The following EPB41L4A variants were observed in gnomAD, a reference collection of about 807,000 sequenced individuals.
EPB41L4A encodes the protein erythrocyte membrane protein band 4.1 like 4A.
Under a neutral mutation model 108.6 loss-of-function variants are expected in EPB41L4A, and 100 were observed. The ratio of observed to expected loss-of-function variants is 0.92; its 90% confidence interval spans 0.78 to 1.09. The LOEUF is 1.09. Ranked by LOEUF, EPB41L4A falls within the 50% of genes least tolerant of loss-of-function variation. The pLI is 0.00. For synonymous variants in EPB41L4A, 319 were observed against 289.0 expected (o/e 1.10, Z -1.05); for missense variants, 1,030 against 842.7 (o/e 1.22, Z -2.75).
intron 12 of EPB41L4A, among the ~76,000 whole-genome samples, chr5:112,156,954 A>G (rs1374361129): frequency 6.6e-6 from 1 of 152,172 alleles, no homozygotes; most frequent in East Asian, 1.9e-4. Flanking sequence ...AAGGGACAGT[A>G]ATAGCCAAGA....
Position 112,407,741 on chromosome 5 carries a change from T to C in EPB41L4A, c.99+11200A>G, listed in dbSNP as rs538913284. ...AACATAAATAACAACACTCAGAGCT[T>C]ATAGAGAAAAGTTTTGGAAGTCTAA... On this transcript the variant is annotated intron_variant, in intron 1 of 22. Coordinates refer to ENST00000261486, the MANE Select transcript of EPB41L4A (RefSeq NM_022140.5). Among the ~76,000 whole-genome samples, 18 of 152,268 alleles carry C rather than the reference T, an allele frequency of 1.2e-4. No individual in the cohort carries two copies. In the South Asian group the frequency reaches 3.5e-3, roughly 30 times the overall value.
In EPB41L4A at chr5:112,418,938, C is replaced by G; in HGVS notation, c.99+3G>C. ...CCCGGAACGCGCTCCGGGCCGCACC[C>G]ACCTTGATGCCCTGCTGCTGGGTGG... is the stretch of plus-strand genomic sequence containing the variant. On this transcript the variant is annotated splice_donor_region_variant and intron_variant, in intron 1 of 22. Transcript: ENST00000261486. The G allele has an allele frequency of 6.2e-7, 1 of 1,612,150 alleles. No individual in the cohort carries two copies.
At chr5:112,393,770 T>A (rs971496300) in intron 1 of EPB41L4A, among the ~76,000 whole-genome samples, 1 of 152,150 alleles carries the variant, frequency 6.6e-6, no homozygotes, top group Non-Finnish European at 1.5e-5. Flanking sequence ...TACCAAAGCC[T>A]GGCAGAGACA....
intron 18 of EPB41L4A, among the ~76,000 whole-genome samples, chr5:112,181,320 G>A (rs1002861069): frequency 6.6e-6 from 1 of 152,032 alleles, no homozygotes; most frequent in Non-Finnish European, 1.5e-5. Flanking sequence ...GCGTGGTGGC[G>A]GGCGCCTCTT....
intron 1 of EPB41L4A, among the ~76,000 whole-genome samples, chr5:112,374,789 C>T (rs1759707797): frequency 6.6e-6 from 1 of 152,150 alleles, no homozygotes; most frequent in South Asian, 2.1e-4. Flanking sequence ...TAATTTAAAA[C>T]ATTATTTTTC....
intron 18 of EPB41L4A, among the ~76,000 whole-genome samples, chr5:112,182,249 G>C (rs1352790574): frequency 6.6e-6 from 1 of 152,114 alleles, no homozygotes; most frequent in Non-Finnish European, 1.5e-5. Context: ...CTGGCTGTAT[G>C]TAAATTTCAC....
chr5:112,209,823 T>C (rs1207102494), intron 13 of EPB41L4A, 69 bp downstream of exon 13: 2 of 917,276 alleles, frequency 2.2e-6, no homozygotes, highest in African/African-American at 3.4e-5. Context: ...ATTTTTAACC[T>C]TGTCTACAGA....
At chr5:112,356,708 G>A (rs1758382113) in intron 1 of EPB41L4A, among the ~76,000 whole-genome samples, 1 of 152,118 alleles carries the variant, frequency 6.6e-6, no homozygotes, top group Non-Finnish European at 1.5e-5. Context: ...ATTGCATTGA[G>A]TACACTGTGC....
intron 2 of EPB41L4A, among the ~76,000 whole-genome samples, chr5:112,282,236 T>C (rs1248063635): frequency 6.6e-6 from 1 of 152,210 alleles, no homozygotes; most frequent in Non-Finnish European, 1.5e-5. Flanking sequence ...TTAAGCTGTG[T>C]GTTGGACACA....
intron 12 of EPB41L4A, among the ~76,000 whole-genome samples, chr5:112,214,944 A>C (rs1016265392): frequency 5.4e-4 from 82 of 152,312 alleles, no homozygotes; most frequent in African/African-American, 1.9e-3. Flanking sequence ...CATATAAAAC[A>C]AAATTATTTT....
chr5:112,222,528 T>G (rs962373382), intron 12 of EPB41L4A, among the ~76,000 whole-genome samples: 1 of 152,232 alleles, frequency 6.6e-6, no homozygotes, highest in African/African-American at 2.4e-5. Context: ...AAGGAATTCA[T>G]GGTGAATGCA....
intron 1 of EPB41L4A, among the ~76,000 whole-genome samples, chr5:112,335,422 T>C (rs548087508): frequency 3.4e-4 from 52 of 152,292 alleles, no homozygotes; most frequent in African/African-American, 1.2e-3. Flanking sequence ...TCTTACCAGA[T>C]CTATATAGTT....
At chr5:112,410,016 T>C (rs1467797630) in intron 1 of EPB41L4A, among the ~76,000 whole-genome samples, 1 of 152,138 alleles carries the variant, frequency 6.6e-6, no homozygotes, top group Non-Finnish European at 1.5e-5. Flanking sequence ...AAATGCAGTC[T>C]GGATTAGGGT....
At position 112,229,609 on chromosome 5, in the gene EPB41L4A, C is replaced by T. The variant is rs187538664; in HGVS notation, c.1087+5025G>A. 6.8e-4 allele frequency among the ~76,000 whole-genome samples: 104 copies of T among 152,108 alleles called. 1 individual carries two copies. The highest frequency in any genetic ancestry group is 3.4e-3 in the Middle Eastern group (1 of 294). ...CAAAGTCCATTATATCATTCTTATG[C>T]CTTTGTGTCCTCATAGCTTAGCTCC... is the stretch of plus-strand genomic sequence containing the variant. On this transcript the variant is annotated intron_variant, in intron 12 of 22. Transcript: ENST00000261486.
intron 1 of EPB41L4A, among the ~76,000 whole-genome samples, chr5:112,339,433 T>C (rs13190229): frequency 0.52 from 76,318 of 146,548 alleles, 21,439 homozygotes; most frequent in Middle Eastern, 0.66. Context: ...CAAATAAATA[T>C]ATTTAAACAA....
At chr5:112,371,734 G>A (rs1051118725) in intron 1 of EPB41L4A, among the ~76,000 whole-genome samples, 50 of 152,080 alleles carry the variant, frequency 3.3e-4, no homozygotes, top group Non-Finnish European at 5.4e-4. Context: ...TTATTTACCA[G>A]CTGGGAGCAA....
At chr5:112,209,776 T>C (rs1353750823) in intron 13 of EPB41L4A, 116 bp downstream of exon 13, 5 of 574,680 alleles carry the variant, frequency 8.7e-6, no homozygotes, top group Non-Finnish European at 1.5e-5. Flanking sequence ...TTGGATCCCA[T>C]GGATCAAAAG....
downstream of EPB41L4A, chr5:112,160,469 G>A (rs1337391249): frequency 6.6e-6 from 1 of 152,272 alleles, no homozygotes; most frequent in Non-Finnish European, 1.5e-5. Context: ...AGTAAGTGCT[G>A]ACTAAATATC....
chr5:112,407,515 C>T (rs1762140534), intron 1 of EPB41L4A, among the ~76,000 whole-genome samples: 1 of 152,168 alleles, frequency 6.6e-6, no homozygotes, highest in African/African-American at 2.4e-5. Flanking sequence ...GAAAGCAGCA[C>T]ACATTGCACT....
Sources: gnomAD v4.1 joint callset for allele counts (sites outside exome capture counted in the v4.1 genomes callset) on GRCh38, gnomAD v4.1.1 for gene constraint, MANE v1.5 for transcripts, NCBI Gene and HGNC (gene_info 2026-07-23, HGNC 2026-07-21) for gene names.